COX10: variants seen among roughly 807,000 people sequenced by gnomAD.
COX10 encodes the protein cytochrome c oxidase assembly factor heme A:farnesyltransferase COX10.
In COX10, 27 loss-of-function variants were observed where a neutral mutation model predicts 37.3. The ratio of observed to expected loss-of-function variants is 0.72; its 90% CI spans 0.53 to 1.00. The LOEUF is 1.00. Among genes scored for constraint, COX10 ranks in the 50% least tolerant of loss-of-function variants. The probability of loss-of-function intolerance (pLI) is 0.00; values close to 1 mark genes in which losing one functional copy is unlikely to be tolerated. For synonymous variants in COX10, 222 were observed against 229.1 expected (o/e 0.97, Z 0.28); for missense variants, 475 against 563.2 (o/e 0.84, Z 1.59).
chr17:14,157,379 AC>A (rs1413579401), intron 4 of COX10, among the ~76,000 whole-genome samples: 2 of 152,166 alleles, frequency 1.3e-5, no homozygotes. Flanking sequence ...AATTAGGAGA[AC>A]CCCTTTTAAG....
chr17:14,075,427 A>G (rs1915119385), intron 2 of COX10, among the ~76,000 whole-genome samples: 1 of 152,190 alleles, frequency 6.6e-6, no homozygotes, highest in African/African-American at 2.4e-5. Flanking sequence ...CTCCACTCCC[A>G]TGCCTGCCTA....
intron 4 of COX10, among the ~76,000 whole-genome samples, chr17:14,108,761 A>G (rs1214148040): frequency 6.6e-6 from 1 of 152,122 alleles, no homozygotes; most frequent in Non-Finnish European, 1.5e-5. Context: ...AAACTCTGAA[A>G]GGAAAAACAG....
chr17:14,201,882 C>T (rs562034861), intron 6 of COX10, among the ~76,000 whole-genome samples: 1 of 152,326 alleles, frequency 6.6e-6, no homozygotes, highest in Non-Finnish European at 1.5e-5. Flanking sequence ...ACTCTGACAA[C>T]GCTTCCTCTT....
chr17:14,153,136 C>T (rs1170674536), intron 4 of COX10, among the ~76,000 whole-genome samples: 1 of 152,188 alleles, frequency 6.6e-6, no homozygotes, highest in Non-Finnish European at 1.5e-5. Context: ...ACAGAGCCAT[C>T]ATGGTTCACC....
chr17:14,165,597 A>G (rs151290252), intron 5 of COX10, among the ~76,000 whole-genome samples: 3 of 152,298 alleles, frequency 2.0e-5, no homozygotes, highest in African/African-American at 4.8e-5. Context: ...AATTAGCCCA[A>G]TTAATAACCC....
intron 4 of COX10, among the ~76,000 whole-genome samples, chr17:14,145,702 T>C (rs1904691673): frequency 1.3e-5 from 2 of 152,254 alleles, no homozygotes; most frequent in South Asian, 4.1e-4. Flanking sequence ...AGTAACATGA[T>C]AAGATTTGCA....
intron 5 of COX10, among the ~76,000 whole-genome samples, chr17:14,172,305 T>C (rs1567607376): frequency 6.6e-6 from 1 of 152,146 alleles, no homozygotes; most frequent in Non-Finnish European, 1.5e-5. Flanking sequence ...CAAATGGTAG[T>C]TCTATTTTTA....
At chr17:14,109,946 G>A (rs1290995322) in intron 4 of COX10, among the ~76,000 whole-genome samples, 3 of 152,052 alleles carry the variant, frequency 2.0e-5, no homozygotes, top group Non-Finnish European at 4.4e-5. Flanking sequence ...CATGTTCAGA[G>A]TCTGAATATC....
chr17:14,190,427 G>C (rs1906165081), intron 5 of COX10, among the ~76,000 whole-genome samples: 1 of 152,204 alleles, frequency 6.6e-6, no homozygotes, highest in Admixed American at 6.5e-5. Flanking sequence ...GAACAGGTGG[G>C]TGGAAATGCC....
At chr17:14,069,810 G>A (rs1914970082) in intron 1 of COX10, among the ~76,000 whole-genome samples, 162 bp downstream of exon 1, 1 of 152,210 alleles carries the variant, frequency 6.6e-6, no homozygotes, top group African/African-American at 2.4e-5. Flanking sequence ...TTGGAGTGAA[G>A]AGGTCACGGA....
rs564664594 is a variant in COX10 at position 14,134,642 on chromosome 17, C to A, written c.625-25235C>A. On this transcript the variant is annotated intron_variant, in intron 4 of 6. Transcript: ENST00000261643. Reference sequence around the variant, plus strand: ...AAGAATATGTGTGGTGTAACACACTCTTGGAGAGGATTTCAAAAGTAATTA... The same window carrying A: ...AAGAATATGTGTGGTGTAACACACTATTGGAGAGGATTTCAAAAGTAATTA... 4.6e-5 allele frequency among the ~76,000 whole-genome samples: 7 copies of A among 151,808 alleles called. No homozygotes were observed. The South Asian group carries it at 1.5e-3, about 31-fold the overall frequency.
chr17:14,103,136 C>G (rs1426814053), intron 4 of COX10, among the ~76,000 whole-genome samples: 1 of 151,888 alleles, frequency 6.6e-6, no homozygotes, highest in Non-Finnish European at 1.5e-5. Flanking sequence ...GATGTCAAAA[C>G]AATCTTATAG....
intron 3 of COX10, among the ~76,000 whole-genome samples, chr17:14,092,217 T>G (rs1053244148): frequency 2.6e-5 from 4 of 152,148 alleles, no homozygotes; most frequent in Non-Finnish European, 5.9e-5. Context: ...GCCCGATAGA[T>G]ACTTCATTTT....
At chr17:14,201,218 G>A (rs1906532163) in intron 6 of COX10, among the ~76,000 whole-genome samples, 1 of 152,192 alleles carries the variant, frequency 6.6e-6, no homozygotes, top group Non-Finnish European at 1.5e-5. Flanking sequence ...AGGAAGGTGG[G>A]TTCCACCACA....
At chr17:14,096,451 T>G (rs2142196237) in intron 3 of COX10, among the ~76,000 whole-genome samples, 1 of 143,470 alleles carries the variant, frequency 7.0e-6, no homozygotes, top group East Asian at 2.2e-4. Context: ...CATAGCTCAC[T>G]GCAGCCTTGA....
chr17:14,099,328 A>G (rs578074511), intron 3 of COX10, among the ~76,000 whole-genome samples: 1 of 152,290 alleles, frequency 6.6e-6, no homozygotes, highest in African/African-American at 2.4e-5. Flanking sequence ...GAACCCAGCC[A>G]TAGTATTCAT....
At chr17:14,202,980 T>C (rs969680726) in intron 6 of COX10, among the ~76,000 whole-genome samples, 5 of 152,148 alleles carry the variant, frequency 3.3e-5, no homozygotes, top group South Asian at 2.1e-4. Context: ...CAGTCTCAAG[T>C]CACCCGCATT....
chr17:14,198,690 C>T (rs879499524), intron 6 of COX10, among the ~76,000 whole-genome samples: 6 of 152,174 alleles, frequency 3.9e-5, no homozygotes, highest in Non-Finnish European at 7.4e-5. Context: ...ACAAAATGTT[C>T]AGTTCTGTTT....
intron 4 of COX10, among the ~76,000 whole-genome samples, chr17:14,111,953 G>A (rs980463225): frequency 7.9e-5 from 12 of 152,198 alleles, no homozygotes; most frequent in African/African-American, 2.9e-4. Context: ...TTATAAAAAT[G>A]TTCAGGGATT....
Sources: allele counts gnomAD v4.1 joint callset (sites outside exome capture counted in the v4.1 genomes callset), GRCh38; gene constraint gnomAD v4.1.1; transcripts MANE v1.5; gene names NCBI Gene and HGNC (gene_info 2026-07-23, HGNC 2026-07-21).